Variants in HERC3 observed in about 807,000 individuals in gnomAD.
HERC3 encodes the protein probable E3 ubiquitin-protein ligase HERC3.
HERC3 carries 58 observed loss-of-function variants against 129.9 expected under a neutral mutation model. That is an observed-to-expected ratio of 0.45 (90% CI 0.36 to 0.56). HERC3 has a LOEUF of 0.56. Ranked by LOEUF, HERC3 falls within the 20% of genes least tolerant of loss-of-function variation. The pLI is 0.00. For synonymous variants in HERC3, 430 were observed against 451.0 expected (o/e 0.95, Z 0.59); for missense variants, 835 against 1,244.2 (o/e 0.67, Z 4.95).
intron 23 of HERC3, chr4:88,690,695 T>C: frequency 2.7e-6 from 2 of 728,828 alleles, no homozygotes; most frequent in Non-Finnish European, 3.4e-6. Flanking sequence ...CCTTTTCATA[T>C]CTTTGTCAAG....
the HERC3 span, among the ~76,000 whole-genome samples, chr4:88,536,355 G>A: frequency 6.6e-6 from 1 of 152,112 alleles, no homozygotes; most frequent in Non-Finnish European, 1.5e-5. Flanking sequence ...TTCAAACACA[G>A]ACACTTTTAT....
At chr4:88,544,200 C>A in the HERC3 span, among the ~76,000 whole-genome samples, 4 of 152,104 alleles carry the variant, frequency 2.6e-5, no homozygotes, top group African/African-American at 9.7e-5. Flanking sequence ...CCAGAATCTA[C>A]AAGGAATGAA....
intron 2 of HERC3, among the ~76,000 whole-genome samples, chr4:88,601,343 T>C (rs1722938754): frequency 6.6e-6 from 1 of 152,228 alleles, no homozygotes; most frequent in South Asian, 2.1e-4. Flanking sequence ...AGTACTGTAA[T>C]TGTTGTCAAG....
At chr4:88,530,265 A>G in the HERC3 span, among the ~76,000 whole-genome samples, 1 of 152,054 alleles carries the variant, frequency 6.6e-6, no homozygotes. Flanking sequence ...ACTCCAGCCT[A>G]GGTGACAGAG....
At chr4:88,593,216 TG>T in intron 1 of HERC3, 1 of 152,028 alleles carries the variant, frequency 6.6e-6, no homozygotes, top group Non-Finnish European at 1.5e-5. Flanking sequence ...GTCCGCCTCC[TG>T]GGCGGGGCCG....
chr4:88,593,597 A>T (rs752406792), intron 1 of HERC3: 4 of 152,220 alleles, frequency 2.6e-5, no homozygotes, highest in Non-Finnish European at 5.9e-5. Context: ...CCTAATTCAG[A>T]GAAAAGCCTT....
chr4:88,554,961 A>C, the HERC3 span, among the ~76,000 whole-genome samples: 1 of 152,210 alleles, frequency 6.6e-6, no homozygotes, highest in Non-Finnish European at 1.5e-5. Context: ...AAACTAAATA[A>C]GAAAATTATC....
the HERC3 span, among the ~76,000 whole-genome samples, chr4:88,546,375 G>A: frequency 6.6e-6 from 1 of 152,134 alleles, no homozygotes; most frequent in Non-Finnish European, 1.5e-5. Flanking sequence ...CAGCGGGGTA[G>A]GATAGTGCTA....
Position 88,607,041 on chromosome 4 carries a change from G to A in HERC3, c.226+992G>A, listed in dbSNP as rs369864656. Among the ~76,000 whole-genome samples, 33 of 152,292 alleles carry A rather than the reference G, an allele frequency of 2.2e-4. 1 individual carries two copies. In the South Asian group the frequency reaches 6.6e-3, roughly 31 times the overall value. On this transcript the variant is annotated intron_variant, in intron 3 of 25. Coordinates refer to ENST00000402738, the MANE Select transcript of HERC3 (RefSeq NM_014606.3). The stretch of plus-strand genomic sequence containing the variant: ...TGAGTGGAGGGATGAATGAGATATG[G>A]TGATGATGTGGCTGCAGTGATCCTT...
the HERC3 span, among the ~76,000 whole-genome samples, chr4:88,565,201 T>G: frequency 1.2e-4 from 19 of 152,136 alleles, no homozygotes; most frequent in Non-Finnish European, 2.1e-4. Context: ...TAGAAAAATA[T>G]GTATTCTACA....
chr4:88,598,853 T>G (rs1294307628), intron 2 of HERC3, among the ~76,000 whole-genome samples: 1 of 152,212 alleles, frequency 6.6e-6, no homozygotes, highest in Non-Finnish European at 1.5e-5. Flanking sequence ...AAGTGCCAGG[T>G]TGACATTGAG....
the HERC3 span, among the ~76,000 whole-genome samples, chr4:88,581,074 AG>A: frequency 2.0e-5 from 3 of 152,166 alleles, no homozygotes; most frequent in African/African-American, 7.2e-5. Flanking sequence ...CAAAGGAGGA[AG>A]GGAAGAGGGA....
Position 88,678,242 on chromosome 4 carries a change from C to A in HERC3, c.2196+108C>A, listed in dbSNP as rs1305757267. 3 of 953,722 alleles carry A rather than the reference C, an allele frequency of 3.1e-6. No individual in the cohort carries two copies. In the East Asian group the frequency reaches 7.8e-5, roughly 25 times the overall value. 59.1% of individuals were successfully genotyped at this position (953,722 alleles called of 1,614,324 possible). ...AAATTGTGGGGTGCAGCCATTCTTT[C>A]ATTCATTTTGCAAGAATTTAATCAC... On this transcript the variant is annotated intron_variant, in intron 19 of 25. Transcript: ENST00000402738.
At chr4:88,553,787 T>G in the HERC3 span, among the ~76,000 whole-genome samples, 1 of 152,176 alleles carries the variant, frequency 6.6e-6, no homozygotes, top group Non-Finnish European at 1.5e-5. Flanking sequence ...CTGCCTGCCT[T>G]GGCCTCCCAA....
At chr4:88,590,713 C>A (rs147254297), upstream of HERC3, among the ~76,000 whole-genome samples, 19 of 152,314 alleles carry the variant, frequency 1.2e-4, no homozygotes, top group East Asian at 3.7e-3. Context: ...CGGACTCCTT[C>A]GTCTTCCTAC....
At chr4:88,549,146 T>G in the HERC3 span, among the ~76,000 whole-genome samples, 1 of 152,210 alleles carries the variant, frequency 6.6e-6, no homozygotes, top group Non-Finnish European at 1.5e-5. Context: ...TTAGAACCAT[T>G]GTCAGTGAAA....
chr4:88,586,197 G>T, the HERC3 span, among the ~76,000 whole-genome samples: 174 of 152,216 alleles, frequency 1.1e-3, no homozygotes, highest in African/African-American at 3.3e-3. Context: ...GGGGGAAGTT[G>T]GTTAAATGAC....
the HERC3 span, among the ~76,000 whole-genome samples, chr4:88,539,100 C>T: frequency 6.6e-6 from 1 of 152,274 alleles, no homozygotes; most frequent in Non-Finnish European, 1.5e-5. Context: ...AGAGGGCGAG[C>T]CAAAGCAGTG....
chr4:88,641,091 A>G lies in HERC3; in HGVS notation c.227-8749A>G, dbSNP rs548211535. Among the ~76,000 whole-genome samples, 5 of 152,348 alleles carry G rather than the reference A, an allele frequency of 3.3e-5. No individual in the cohort carries two copies. In the South Asian group the frequency reaches 6.2e-4, roughly 19 times the overall value. On this transcript the variant is annotated intron_variant, in intron 3 of 25. Coordinates refer to ENST00000402738, the MANE Select transcript of HERC3 (RefSeq NM_014606.3). Reference sequence around the variant, plus strand: ...CATGAACAAATTTTAAAGGATTGCAATAATTAAAAGTATGTTCTCTCACTA... The same window carrying G: ...CATGAACAAATTTTAAAGGATTGCAGTAATTAAAAGTATGTTCTCTCACTA...
Sources: allele counts gnomAD v4.1 joint callset (sites outside exome capture counted in the v4.1 genomes callset), GRCh38; gene constraint gnomAD v4.1.1; transcripts MANE v1.5; gene names NCBI Gene and HGNC (gene_info 2026-07-23, HGNC 2026-07-21).